Variants in SCTR observed in about 807,000 individuals in gnomAD.
SCTR encodes pancreatic secretin receptor.
A neutral mutation model predicts 60.8 loss-of-function variants in SCTR; 56 were observed. The ratio of observed to expected loss-of-function variants is 0.92; its 90% CI spans 0.74 to 1.15. The LOEUF is 1.15. SCTR is among the 50% of genes most tolerant of loss of function. SCTR has a pLI of 0.00. For synonymous variants in SCTR, 202 were observed against 217.0 expected, an observed-to-expected ratio of 0.93 and a Z score of 0.61; for missense variants, 562 against 550.4, an observed-to-expected ratio of 1.02 and a Z score of -0.21.
In SCTR at chr2:119,524,288, G is replaced by C; in HGVS notation, c.-62C>G. ...GCCTGCCCGTGCCCTCTGCCCGCTCGGGAGCTCAGCGCCCCGCGCAGGGTC... is the reference window on the plus strand; with the variant it reads ...GCCTGCCCGTGCCCTCTGCCCGCTCCGGAGCTCAGCGCCCCGCGCAGGGTC... On this transcript the variant is annotated 5_prime_UTR_variant, in exon 1 of 13. Coordinates refer to ENST00000019103, the MANE Select transcript of SCTR (RefSeq NM_002980.3). 1 of 1,166,596 alleles carries C rather than the reference G, an allele frequency of 8.6e-7. No individual in the cohort carries two copies. Among genetic ancestry groups the C allele is most frequent in the Admixed American group, 4.0e-5 (1 of 24,992 alleles). 72.3% of individuals were successfully genotyped at this position (1,166,596 alleles called of 1,614,324 possible).
At chr2:119,500,564 A>G (rs1678508580) in intron 1 of SCTR, among the ~76,000 whole-genome samples, 1 of 152,258 alleles carries the variant, frequency 6.6e-6, no homozygotes, top group African/African-American at 2.4e-5. Flanking sequence ...AAATCCTGTC[A>G]TTTGTGGCAA....
chr2:119,485,639 C>T (rs1363660757), intron 2 of SCTR, among the ~76,000 whole-genome samples: 1 of 152,258 alleles, frequency 6.6e-6, no homozygotes. Context: ...ACTCACACCC[C>T]TCCATGTCCC....
chr2:119,507,984 G>C (rs1480619410), intron 1 of SCTR, among the ~76,000 whole-genome samples: 1 of 152,140 alleles, frequency 6.6e-6, no homozygotes, highest in Non-Finnish European at 1.5e-5. Flanking sequence ...TTTTGGCAGA[G>C]ACTGTTTCCC....
At chr2:119,465,627 G>A (rs1000930076) in intron 5 of SCTR, among the ~76,000 whole-genome samples, 162 bp downstream of exon 5, 3 of 152,098 alleles carry the variant, frequency 2.0e-5, no homozygotes, top group African/African-American at 7.2e-5. Flanking sequence ...GATGAATGAG[G>A]TCACAGGAAC....
At chr2:119,506,123 G>A (rs1678732233) in intron 1 of SCTR, among the ~76,000 whole-genome samples, 2 of 152,082 alleles carry the variant, frequency 1.3e-5, no homozygotes, top group Admixed American at 6.5e-5. Flanking sequence ...AACCAACCAG[G>A]CAACTAAACA....
At chr2:119,476,670 T>C (rs575166399) in intron 3 of SCTR, 2 of 152,412 alleles carry the variant, frequency 1.3e-5, no homozygotes, top group African/African-American at 4.8e-5. Context: ...CTATCCCCTC[T>C]GCAGGGCAGA....
At chr2:119,493,485 G>A (rs920093230) in intron 2 of SCTR, among the ~76,000 whole-genome samples, 4 of 152,062 alleles carry the variant, frequency 2.6e-5, no homozygotes, top group African/African-American at 9.7e-5. Context: ...TAAAAATAAA[G>A]TTAACATTTA....
chr2:119,480,241 G>A (rs1490511621), intron 2 of SCTR, among the ~76,000 whole-genome samples: 1 of 152,192 alleles, frequency 6.6e-6, no homozygotes, highest in African/African-American at 2.4e-5. Context: ...AATTATGAAG[G>A]AAAGAGGTTT....
At chr2:119,523,636 A>T (rs2104969434) in intron 1 of SCTR, among the ~76,000 whole-genome samples, 1 of 151,910 alleles carries the variant, frequency 6.6e-6, no homozygotes, top group East Asian at 1.9e-4. Flanking sequence ...TGAGTGTGAA[A>T]ATGTCAAGGT....
chr2:119,471,787 C>T lies in SCTR; in HGVS notation c.405+1666G>A, dbSNP rs552067028. Among the ~76,000 whole-genome samples, 19 of 152,242 alleles carry T rather than the reference C, an allele frequency of 1.2e-4. 1 individual carries two copies. Among genetic ancestry groups the T allele is most frequent in the South Asian group, 1.0e-3 (5 of 4,822 alleles). On this transcript the variant is annotated intron_variant, in intron 4 of 12. Coordinates refer to ENST00000019103, the MANE Select transcript of SCTR (RefSeq NM_002980.3). ...TGGGGAGGTATCAGAAGACAGAGGA[C>T]GGAGCACTGGTGCTTTTGGAGCTAG...
chr2:119,446,800 C>T lies in SCTR; in HGVS notation c.1099G>A (p.Glu367Lys), dbSNP rs771930235. 2 of 1,574,682 alleles carry T rather than the reference C, an allele frequency of 1.3e-6. No individual in the cohort carries two copies. Among genetic ancestry groups the T allele is most frequent in the South Asian group, 2.4e-5 (2 of 85,026 alleles). Reference sequence around the variant, plus strand: ...GCTAGTTCAAAAAACAGCTGGATCTCCATAGCGTCCTCTGGGGAGAAGGCG... The same window carrying T: ...GCTAGTTCAAAAAACAGCTGGATCTTCATAGCGTCCTCTGGGGAGAAGGCG... ...VFAFSPEDAMEIQLFFELALG... is the reference protein window; with the variant it reads ...VFAFSPEDAMKIQLFFELALG... Residue 367 changes from glutamate to lysine, a missense_variant, in exon 11 of 13, where the codon GAG becomes AAG. Glu to Lys is a moderately conservative substitution (Grantham distance 56). Coordinates refer to ENST00000019103, the MANE Select transcript of SCTR (RefSeq NM_002980.3).
At chr2:119,469,746 G>C (rs114682464) in intron 4 of SCTR, among the ~76,000 whole-genome samples, 2,622 of 152,148 alleles carry the variant, frequency 0.017, 45 homozygotes, top group Non-Finnish European at 0.022. Context: ...TCCCAGCCCA[G>C]CCTCCCAAAG....
At chr2:119,499,453 A>T (rs1259613107) in intron 1 of SCTR, among the ~76,000 whole-genome samples, 3 of 152,114 alleles carry the variant, frequency 2.0e-5, no homozygotes, top group African/African-American at 7.2e-5. Flanking sequence ...TATCAAGCAG[A>T]TCATGTTGTG....
Position 119,452,054 on chromosome 2 carries a change from A to C in SCTR, c.877T>G (p.Ser293Ala). 1 of 1,608,868 alleles carries C rather than the reference A, an allele frequency of 6.2e-7. No individual in the cohort carries two copies. Among genetic ancestry groups the C allele is most frequent in the African/African-American group, 1.3e-5 (1 of 74,980 alleles). The change falls in exon 9 of 13, where the codon TCC (serine) becomes GCC (alanine). Residue 293 changes from serine to alanine, a missense_variant. Transcript: ENST00000019103. ...GGACCACGAATGATCCACCAGATGG[A>C]TGCGTTGGCATTGATGTCCCAGCAC... The part of the protein sequence containing the change: ...VGCWDINANA[S>A]IWWIIRGPVI...
chr2:119,462,768 G>A lies in SCTR; in HGVS notation c.637-768C>T, dbSNP rs538813946. Among the ~76,000 whole-genome samples, 4 of 152,364 alleles carry A rather than the reference G, an allele frequency of 2.6e-5. No individual in the cohort carries two copies. In the East Asian group the frequency reaches 5.8e-4, roughly 22 times the overall value. On this transcript the variant is annotated intron_variant, in intron 6 of 12. Transcript: ENST00000019103. ...GTAGGGCTGCTGCAAAGACAAGCCC[G>A]AGAAGGAGGAGCGCCCGGTGCTGCC...
At chr2:119,450,939 G>A (rs1056130245) in intron 9 of SCTR, among the ~76,000 whole-genome samples, 8 of 152,186 alleles carry the variant, frequency 5.3e-5, no homozygotes, top group Non-Finnish European at 1.2e-4. Flanking sequence ...CTCCAGCCTG[G>A]GTGACAGAGT....
rs538947964 is a variant in SCTR at position 119,506,064 on chromosome 2, AT to A, written c.73-11517del. ...GATCACTCAGACATTGCTGGTAGAA[AT>A]GTAAAATGGTACAGTCACTGTAGAA... On this transcript the variant is annotated intron_variant, in intron 1 of 12. Coordinates refer to ENST00000019103, the MANE Select transcript of SCTR (RefSeq NM_002980.3). Among the ~76,000 whole-genome samples, 118 of 152,350 alleles carry A rather than the reference AT, an allele frequency of 7.7e-4. No homozygotes were observed. The Middle Eastern group carries it at 0.01, about 13-fold the overall frequency.
chr2:119,443,672 G>A (rs752764386), intron 11 of SCTR, among the ~76,000 whole-genome samples: 6 of 151,908 alleles, frequency 3.9e-5, no homozygotes, highest in Non-Finnish European at 8.8e-5. Flanking sequence ...TCAGCCTCCC[G>A]AGTAACTGGG....
intron 7 of SCTR, among the ~76,000 whole-genome samples, chr2:119,458,875 C>T (rs540028650): frequency 6.6e-6 from 1 of 152,288 alleles, no homozygotes; most frequent in African/African-American, 2.4e-5. Flanking sequence ...GTTTGGCAGA[C>T]CTTCACCCAT....
Sources: gnomAD v4.1 joint callset for allele counts (sites outside exome capture counted in the v4.1 genomes callset) on GRCh38, gnomAD v4.1.1 for gene constraint, MANE v1.5 for transcripts, NCBI Gene and HGNC (gene_info 2026-07-23, HGNC 2026-07-21) for gene names.